Variants in DCLK2 observed in about 807,000 individuals in gnomAD.
DCLK2 encodes the protein serine/threonine-protein kinase DCLK2.
A neutral mutation model predicts 78.4 loss-of-function variants in DCLK2; 31 were observed. The ratio of observed to expected loss-of-function variants is 0.40; its 90% CI spans 0.30 to 0.53. The LOEUF (loss-of-function observed/expected upper bound fraction) is 0.53, where lower values mean the gene tolerates loss of function less well. Among genes scored for constraint, DCLK2 ranks in the 20% least tolerant of loss-of-function variants. DCLK2 has a pLI of 0.61. For synonymous variants in DCLK2, 407 were observed against 374.9 expected (o/e 1.09, Z -0.99); for missense variants, 872 against 973.7 (o/e 0.90, Z 1.39).
chr4:150,208,621 AAG>A (rs1218205057), intron 5 of DCLK2, among the ~76,000 whole-genome samples: 1 of 151,956 alleles, frequency 6.6e-6, no homozygotes. Context: ...GTGTGGGAAA[AAG>A]AGAGAGGAAA....
intron 12 of DCLK2, among the ~76,000 whole-genome samples, chr4:150,246,664 G>A (rs1388007543): frequency 1.8e-5 from 2 of 110,356 alleles, no homozygotes; most frequent in South Asian, 2.8e-4. Flanking sequence ...TCTAGCCATC[G>A]ATGCACCCAC....
chr4:150,230,620 T>G (rs1741971050), intron 8 of DCLK2, among the ~76,000 whole-genome samples: 1 of 152,214 alleles, frequency 6.6e-6, no homozygotes, highest in African/African-American at 2.4e-5. Flanking sequence ...TAACCCTGCT[T>G]TTTAGTGTGA....
chr4:150,174,059 C>T (rs746328729), intron 2 of DCLK2, among the ~76,000 whole-genome samples: 3 of 152,042 alleles, frequency 2.0e-5, no homozygotes, highest in African/African-American at 7.2e-5. Context: ...CCTCAGACAC[C>T]GCACTTTAGT....
intron 2 of DCLK2, among the ~76,000 whole-genome samples, chr4:150,145,358 T>A (rs534105759): frequency 6.6e-6 from 1 of 152,126 alleles, no homozygotes; most frequent in African/African-American, 2.4e-5. Context: ...TTGGGCTGGT[T>A]TTTTAATCTT....
intron 5 of DCLK2, among the ~76,000 whole-genome samples, chr4:150,214,855 G>A (rs530465804): frequency 1.3e-5 from 2 of 151,650 alleles, no homozygotes; most frequent in Middle Eastern, 3.4e-3. Context: ...CCAGCTACTC[G>A]GGAGGCCAAG....
intron 12 of DCLK2, among the ~76,000 whole-genome samples, chr4:150,243,988 G>A (rs550912338): frequency 1.3e-4 from 20 of 151,764 alleles, no homozygotes; most frequent in African/African-American, 4.8e-4. Flanking sequence ...AGGCTGGAGT[G>A]TAGTGGTGCA....
At chr4:150,156,361 T>C (rs1231501642) in intron 2 of DCLK2, among the ~76,000 whole-genome samples, 2 of 151,986 alleles carry the variant, frequency 1.3e-5, no homozygotes, top group Non-Finnish European at 2.9e-5. Flanking sequence ...AGCAGGGATG[T>C]AGGGGCTGGA....
chr4:150,132,176 C>T (rs1250852302), intron 2 of DCLK2, among the ~76,000 whole-genome samples: 2 of 151,644 alleles, frequency 1.3e-5, no homozygotes, highest in African/African-American at 4.9e-5. Flanking sequence ...TCTTCACATA[C>T]CCCTGCCAAC....
At chr4:150,119,087 C>G (rs543659206) in intron 2 of DCLK2, among the ~76,000 whole-genome samples, 1 of 151,812 alleles carries the variant, frequency 6.6e-6, no homozygotes, top group African/African-American at 2.4e-5. Context: ...AATGCAGTTA[C>G]ATACATTTGT....
chr4:150,153,177 T>G (rs1300258590), intron 2 of DCLK2, among the ~76,000 whole-genome samples: 1 of 152,150 alleles, frequency 6.6e-6, no homozygotes, highest in Non-Finnish European at 1.5e-5. Context: ...ATCCCACCAT[T>G]GCTATGCATG....
intron 1 of DCLK2, among the ~76,000 whole-genome samples, chr4:150,084,024 G>A (rs1295045934): frequency 2.0e-5 from 3 of 152,236 alleles, no homozygotes; most frequent in African/African-American, 7.2e-5. Flanking sequence ...GTGATGACAT[G>A]GGGCAGGATG....
At chr4:150,162,237 G>A (rs1019278419) in intron 2 of DCLK2, among the ~76,000 whole-genome samples, 1 of 152,006 alleles carries the variant, frequency 6.6e-6, no homozygotes, top group Non-Finnish European at 1.5e-5. Context: ...TTGCTATGTT[G>A]CCCAGGCTGG....
At chr4:150,137,436 T>C (rs947148169) in intron 2 of DCLK2, among the ~76,000 whole-genome samples, 2 of 152,142 alleles carry the variant, frequency 1.3e-5, no homozygotes, top group Non-Finnish European at 2.9e-5. Context: ...ATGGTCAAAC[T>C]CTTGAGACAA....
rs147182106 is a variant in DCLK2 at position 150,186,547 on chromosome 4, TTCTTG to T, written c.757-6586_757-6582del. On this transcript the variant is annotated intron_variant, in intron 2 of 15. Transcript: ENST00000296550. ...CCATTTTCATCACTAGACTGTGTGC[TTCTTG>T]TCTTTTATTTATGCCTGGCATATTA... 3.2e-3 allele frequency among the ~76,000 whole-genome samples: 487 copies of T among 152,370 alleles called. 2 individuals are homozygous for T. The highest frequency in any genetic ancestry group is 5.5e-3 in the Non-Finnish European group (373 of 68,036).
rs371750623 is a variant in DCLK2 at position 150,126,284 on chromosome 4, A to G, written c.756+23472A>G. Among the ~76,000 whole-genome samples, 14 of 152,360 alleles carry G rather than the reference A, an allele frequency of 9.2e-5. No homozygotes were observed. In the East Asian group the frequency reaches 2.7e-3, roughly 29 times the overall value. On this transcript the variant is annotated intron_variant, in intron 2 of 15. Transcript: ENST00000296550. ...CTATGGTAGGCACTCTACGAGACAC[A>G]TGAGGAACAAAGATATGTAAGACAA...
intron 2 of DCLK2, among the ~76,000 whole-genome samples, chr4:150,181,837 T>C (rs1237300873): frequency 3.9e-5 from 6 of 152,208 alleles, no homozygotes; most frequent in Non-Finnish European, 2.9e-5. Context: ...CTTCCCTTAC[T>C]GTAGGCCAGC....
chr4:150,173,169 G>A (rs74490432), intron 2 of DCLK2, among the ~76,000 whole-genome samples: 1,777 of 152,226 alleles, frequency 0.012, 35 homozygotes, highest in African/African-American at 0.041. Context: ...GGGAGTTAGG[G>A]GAAGGGCAGA....
intron 2 of DCLK2, among the ~76,000 whole-genome samples, chr4:150,136,099 G>C (rs755468636): frequency 1.3e-5 from 2 of 152,186 alleles, no homozygotes; most frequent in African/African-American, 2.4e-5. Context: ...TGTGGACCGT[G>C]GAGAGGGGAG....
At chr4:150,193,530 T>C (rs963569478) in intron 3 of DCLK2, among the ~76,000 whole-genome samples, 1 of 152,252 alleles carries the variant, frequency 6.6e-6, no homozygotes, top group African/African-American at 2.4e-5. Context: ...TTGCATTGTT[T>C]TGCCACTGAG....
Sources: allele counts gnomAD v4.1 joint callset (sites outside exome capture counted in the v4.1 genomes callset), GRCh38; gene constraint gnomAD v4.1.1; transcripts MANE v1.5; gene names NCBI Gene and HGNC (gene_info 2026-07-23, HGNC 2026-07-21).